SPON2: variants seen among roughly 807,000 people sequenced by gnomAD.
SPON2 encodes spondin 2, also known as spondin-2.
A neutral mutation model predicts 29.9 loss-of-function variants in SPON2; 32 were observed. The ratio of observed to expected loss-of-function variants is 1.07; its 90% CI spans 0.81 to 1.44. The LOEUF is 1.44. Ranked by LOEUF, SPON2 falls within the 40% of genes most tolerant of loss-of-function variation. The probability of loss-of-function intolerance (pLI) is 0.00; values close to 1 mark genes in which losing one functional copy is unlikely to be tolerated. For missense variants in SPON2, 541 were observed against 455.5 expected (o/e 1.19, Z -1.71); for synonymous variants, 248 against 209.1 (o/e 1.19, Z -1.61).
At chr4:1,170,265 C>T in intron 5 of SPON2, 137 bp downstream of exon 5, 2 of 815,758 alleles carry the variant, frequency 2.5e-6, no homozygotes, top group Non-Finnish European at 2.0e-6. Flanking sequence ...AATCCTAAAT[C>T]TTCTAGGCAC....
intron 1 of SPON2, among the ~76,000 whole-genome samples, chr4:1,206,264 A>C (rs1033391285): frequency 6.6e-6 from 1 of 151,542 alleles, no homozygotes; most frequent in Non-Finnish European, 1.5e-5. Flanking sequence ...CCAGGACTGG[A>C]GAGGGCCCTG....
chr4:1,167,774 G>C (rs981760712), intron 5 of SPON2, 118 bp from the exon 6 acceptor site: 6 of 1,149,358 alleles, frequency 5.2e-6, no homozygotes, highest in South Asian at 1.7e-5. Flanking sequence ...ACCCTTCGGG[G>C]GCACTTGCGT....
chr4:1,169,310 G>A (rs1195288529), intron 5 of SPON2, among the ~76,000 whole-genome samples: 6 of 152,030 alleles, frequency 3.9e-5, no homozygotes, highest in South Asian at 2.1e-4. Context: ...AGTGGCTCGG[G>A]GACATCTGCT....
At chr4:1,183,664 G>A (rs1409376462) in intron 1 of SPON2, among the ~76,000 whole-genome samples, 1 of 152,170 alleles carries the variant, frequency 6.6e-6, no homozygotes, top group Non-Finnish European at 1.5e-5. Flanking sequence ...GTAATTTTGT[G>A]ACATCAGCAA....
At chr4:1,190,210 A>G (rs1302078901) in intron 1 of SPON2, among the ~76,000 whole-genome samples, 1 of 152,014 alleles carries the variant, frequency 6.6e-6, no homozygotes, top group Non-Finnish European at 1.5e-5. Flanking sequence ...GAAAGACACA[A>G]ACTACTGAAA....
chr4:1,171,715 C>T, intron 2 of SPON2, 137 bp downstream of exon 2: 3 of 800,470 alleles, frequency 3.7e-6, no homozygotes, highest in Admixed American at 2.4e-5. Context: ...CGCAGGCGCT[C>T]GGCAAACATT....
In SPON2 at chr4:1,171,456, C is replaced by G; in HGVS notation, c.251G>C (p.Trp84Ser). 6.2e-7 allele frequency: 1 copy of G among 1,612,116 alleles called. No homozygotes were observed. The highest frequency in any genetic ancestry group is 8.5e-7 in the Non-Finnish European group (1 of 1,179,690). Residue 84 changes from tryptophan (W) to serine (S), a missense_variant, in exon 3 of 6, where the codon TGG becomes TCG. By Grantham distance (177) the Trp-to-Ser change is radical. Transcript: ENST00000290902. ...GTTACTGACGTACTGGTTCTTCCTC[C>G]ACATGCTGTAGTCGGAGCTATGCGC... ...GAAHSSDYSM[W>S]RKNQYVSNGL... is the part of the protein sequence containing the mutation.
chr4:1,171,368 C>A lies in SPON2; in HGVS notation c.339G>T (p.Ala113=). The A allele has an allele frequency of 6.2e-7, 1 of 1,611,764 alleles. No individual in the cohort carries two copies. The highest frequency in any genetic ancestry group is 8.5e-7 in the Non-Finnish European group (1 of 1,179,642). The change falls in exon 3 of 6, where the codon GCG becomes GCT. Residue 113 remains alanine, a synonymous_variant. Coordinates refer to ENST00000290902, the MANE Select transcript of SPON2 (RefSeq NM_012445.4). The part of the protein sequence containing the change: ...AWALMKEIEA[A]GEALQSVHAV... ...CGTGCACGCTCTGCAGCGCCTCCCC[C>A]GCCGCCTCGATCTCCTTCATCAGCG...
chr4:1,167,782 C>G (rs536585427), intron 5 of SPON2, 126 bp from the exon 6 acceptor site: 18 of 1,011,232 alleles, frequency 1.8e-5, no homozygotes, highest in South Asian at 5.3e-5. Flanking sequence ...GGGGCACTTG[C>G]GTTTCTCCGC....
chr4:1,180,516 G>C (rs1157247199), intron 1 of SPON2, among the ~76,000 whole-genome samples: 1 of 152,236 alleles, frequency 6.6e-6, no homozygotes, highest in Admixed American at 6.5e-5. Flanking sequence ...ACATGGGGAA[G>C]AAAGCAATCG....
chr4:1,204,113 C>T (rs567855758), intron 1 of SPON2, among the ~76,000 whole-genome samples: 1 of 152,126 alleles, frequency 6.6e-6, no homozygotes, highest in Non-Finnish European at 1.5e-5. Flanking sequence ...CTCAAATGGT[C>T]CCCCCAGCTT....
Position 1,171,073 on chromosome 4 carries a change from C to T in SPON2, c.562G>A (p.Asp188Asn), listed in dbSNP as rs1339484275. ...EQAALDLYPY[D>N]AGTDSGFTFS... Reference sequence around the variant, plus strand: ...GTGAAGCCGCTGTCCGTCCCGGCGTCGTAGGGGTACAGGTCCAGCGCCGCC... The same window carrying T: ...GTGAAGCCGCTGTCCGTCCCGGCGTTGTAGGGGTACAGGTCCAGCGCCGCC... The change falls in exon 4 of 6, where the codon GAC becomes AAC. Residue 188 changes from aspartate to asparagine, a missense_variant. Coordinates refer to ENST00000290902, the MANE Select transcript of SPON2 (RefSeq NM_012445.4). The T allele has an allele frequency of 6.5e-7, 1 of 1,550,034 alleles. No homozygotes were observed. Among genetic ancestry groups the T allele is most frequent in the Non-Finnish European group, 8.7e-7 (1 of 1,146,514 alleles).
At chr4:1,188,202 C>CAAAAAAAA (rs1164276990) in intron 1 of SPON2, among the ~76,000 whole-genome samples, 5 of 36,558 alleles carry the variant, frequency 1.4e-4, no homozygotes, top group Admixed American at 3.1e-4. Flanking sequence ...GACTCCGTCT[C>CAAAAAAAA]AAAAAAAAAA....
chr4:1,175,643 G>A (rs936381256), upstream of SPON2, among the ~76,000 whole-genome samples: 6 of 151,768 alleles, frequency 4.0e-5, no homozygotes, highest in Non-Finnish European at 8.8e-5. Flanking sequence ...TAGGATGTGG[G>A]TGGTAGTAGG....
chr4:1,175,968 C>T (rs1362686073), upstream of SPON2, among the ~76,000 whole-genome samples: 2 of 152,112 alleles, frequency 1.3e-5, no homozygotes, highest in African/African-American at 2.4e-5. Flanking sequence ...AGCACGCCTG[C>T]GAAGGCCCTA....
chr4:1,186,307 G>GTT (rs1169234304), intron 1 of SPON2, among the ~76,000 whole-genome samples: 6 of 137,798 alleles, frequency 4.4e-5, no homozygotes, highest in Admixed American at 1.5e-4. Flanking sequence ...GGGAGAAAAT[G>GTT]TTTTTTTTTT....
At position 1,171,472 on chromosome 4, in the gene SPON2, A is replaced by G. The variant is rs2153077032; in HGVS notation, c.235T>C (p.Ser79Pro). ...WSSLLGAAHS[S>P]DYSMWRKNQY... ...TTCTTCCTCCACATGCTGTAGTCGG[A>G]GCTATGCGCGGCCCCTGCAGGACCA... The change falls in exon 3 of 6, where the codon TCC becomes CCC. Residue 79 changes from serine (S) to proline (P), a missense_variant. Transcript: ENST00000290902. 1 of 1,611,610 alleles carries G rather than the reference A, an allele frequency of 6.2e-7. No individual in the cohort carries two copies. The highest frequency in any genetic ancestry group is 1.7e-5 in the Admixed American group (1 of 60,000).
At chr4:1,203,196 T>C (rs1416819758) in intron 1 of SPON2, among the ~76,000 whole-genome samples, 1 of 152,202 alleles carries the variant, frequency 6.6e-6, no homozygotes, top group Non-Finnish European at 1.5e-5. Flanking sequence ...TATAAATTAC[T>C]CAGTCTGAGG....
chr4:1,202,792 T>C lies in SPON2; in HGVS notation c.-234+5088A>G, dbSNP rs36096962. ...TCAGCAACATGCTTTGAAATCTGGG[T>C]GCAGGCCACCATCGCCTGCAGTGTC... On this transcript the variant is annotated intron_variant, in intron 1 of 3. Transcript: ENST00000509233. This position sits in a 1 kb window ranked among gnomAD's most constrained non-coding sequence, Gnocchi z 5.4. Among the ~76,000 whole-genome samples, 25,137 of 152,132 alleles carry C rather than the reference T, an allele frequency of 0.17. 2,558 individuals are homozygous for C. The highest frequency in any genetic ancestry group is 0.38 in the East Asian group (1,956 of 5,140).
Sources: allele counts gnomAD v4.1 joint callset (sites outside exome capture counted in the v4.1 genomes callset), GRCh38; gene constraint gnomAD v4.1.1; non-coding constraint Gnocchi (gnomAD v3.1); transcripts MANE v1.5; gene names NCBI Gene and HGNC (gene_info 2026-07-23, HGNC 2026-07-21).